The following KRT7 variants were observed in gnomAD, a reference collection of about 807,000 sequenced individuals.
KRT7 encodes keratin 7, also known as keratin, type II cytoskeletal 7.
A neutral mutation model predicts 42.8 loss-of-function variants in KRT7; 50 were observed. That is an observed-to-expected ratio of 1.17 (90% CI 0.93 to 1.48). The LOEUF is 1.48. Among genes scored for constraint, KRT7 ranks in the 40% most tolerant of loss-of-function variants. The pLI, the probability that KRT7 is intolerant of heterozygous loss-of-function variation, is 0.00. For missense variants in KRT7, 588 were observed against 637.6 expected (o/e 0.92, Z 0.84); for synonymous variants, 268 against 266.3 (o/e 1.01, Z -0.06).
chr12:52,244,700 T>C (rs568105976), intron 6 of KRT7: 4 of 925,362 alleles, frequency 4.3e-6, no homozygotes, highest in Non-Finnish European at 5.2e-6. Flanking sequence ...TTCAGGCTCC[T>C]GGCAGTGGGG....
rs747672438 is a variant in KRT7, at chr12:52,235,182, C to T, written c.352C>T (p.Leu118=). 3.7e-6 allele frequency: 6 copies of T among 1,614,142 alleles called. No individual in the cohort carries two copies. Among genetic ancestry groups the T allele is most frequent in the South Asian group, 1.1e-5 (1 of 91,078 alleles). The change falls in exon 2 of 9, where the codon CTG becomes TTG. Residue 118 remains leucine, a synonymous_variant. Transcript: ENST00000331817. The stretch of plus-strand genomic sequence containing the variant: ...GCGGTTTCTGGAGCAGCAGAACAAG[C>T]TGCTGGAGACCAAGTGGACGCTGCT... ...KVRFLEQQNK[L]LETKWTLLQE... is the part of the protein sequence containing the mutation.
chr12:52,251,219 A>G (rs1249393901), downstream of KRT7, among the ~76,000 whole-genome samples: 1 of 152,130 alleles, frequency 6.6e-6, no homozygotes, highest in Admixed American at 6.5e-5. Flanking sequence ...ACCTCAAGTG[A>G]TCCACCTGCC....
intron 2 of KRT7, among the ~76,000 whole-genome samples, chr12:52,237,065 G>A (rs1942020852): frequency 1.3e-5 from 2 of 152,208 alleles, no homozygotes; most frequent in African/African-American, 4.8e-5. Context: ...TAGCAGCTTA[G>A]TGACCTGGGC....
At chr12:52,238,122 G>A (rs1282528844) in intron 3 of KRT7, among the ~76,000 whole-genome samples, 1 of 152,154 alleles carries the variant, frequency 6.6e-6, no homozygotes, top group Non-Finnish European at 1.5e-5. Context: ...TGGAGATTCA[G>A]GAATGAGTAA....
intron 5 of KRT7, 76 bp downstream of exon 5, chr12:52,241,712 C>G (rs1942095062): frequency 7.3e-7 from 1 of 1,370,720 alleles, no homozygotes; most frequent in South Asian, 1.4e-5. Context: ...CAACTTGTCT[C>G]AAGCCTTCAG....
rs765708048 is a variant in KRT7 at position 52,248,654 on chromosome 12, C to G, written c.1304C>G (p.Thr435Ser). 1 of 1,612,830 alleles carries G rather than the reference C, an allele frequency of 6.2e-7. No homozygotes were observed. The highest frequency in any genetic ancestry group is 2.2e-5 in the East Asian group (1 of 44,838). The change falls in exon 9 of 9, where the codon ACC (threonine) becomes AGC (serine). Residue 435 changes from threonine (T) to serine (S), a missense_variant. Thr to Ser is a moderately conservative substitution (Grantham distance 58). Coordinates refer to ENST00000331817, the MANE Select transcript of KRT7 (RefSeq NM_005556.4). ...GGGIGLTLGG[T>S]MGSNALSFSS... ...GGCATTGGGCTGACCCTCGGGGGAA[C>G]CATGGGCAGCAATGCCCTGAGCTTC...
chr12:52,249,629 T>A (rs1347907859), downstream of KRT7, among the ~76,000 whole-genome samples: 1 of 152,040 alleles, frequency 6.6e-6, no homozygotes, highest in African/African-American at 2.4e-5. Context: ...CAGGTCTGTG[T>A]GTCTGTGAGT....
chr12:52,250,750 A>G (rs1389664767), downstream of KRT7: 4 of 424,836 alleles, frequency 9.4e-6, no homozygotes, highest in East Asian at 1.8e-4. Context: ...TCACATGGGC[A>G]CTCCTTCCTG....
chr12:52,253,746 G>A (rs776317807), downstream of KRT7: 21 of 1,071,682 alleles, frequency 2.0e-5, no homozygotes, highest in East Asian at 2.6e-4. Flanking sequence ...TGAGATGTGC[G>A]ACTGGAGAAC....
chr12:52,254,276 T>C (rs758868778), downstream of KRT7: 1 of 956,710 alleles, frequency 1.0e-6, no homozygotes, highest in Non-Finnish European at 1.6e-6. Flanking sequence ...CACCTCCTCA[T>C]ATAGCCGCCT....
intron 5 of KRT7, chr12:52,241,877 G>A (rs918373950): frequency 6.3e-6 from 2 of 316,032 alleles, no homozygotes; most frequent in African/African-American, 4.3e-5. Flanking sequence ...CACAGTACTA[G>A]GCTCATGTAA....
At chr12:52,237,705 G>A in intron 3 of KRT7, 136 bp downstream of exon 3, 1 of 616,124 alleles carries the variant, frequency 1.6e-6, no homozygotes. Flanking sequence ...AGTCTGCACA[G>A]CCTGTCCTGT....
At chr12:52,238,339 A>C (rs1942038294) in intron 3 of KRT7, among the ~76,000 whole-genome samples, 1 of 152,186 alleles carries the variant, frequency 6.6e-6, no homozygotes, top group Non-Finnish European at 1.5e-5. Context: ...ACTGACGAAA[A>C]GTTGAGCTCC....
downstream of KRT7, chr12:52,253,371 G>A (rs1369622641): frequency 4.4e-6 from 7 of 1,608,610 alleles, no homozygotes; most frequent in East Asian, 2.2e-5. Context: ...GAGGCTCAGG[G>A]TGGGACCTCC....
intron 6 of KRT7, chr12:52,244,901 G>A (rs1183903429): frequency 5.9e-6 from 1 of 168,362 alleles, no homozygotes; most frequent in Non-Finnish European, 1.3e-5. Context: ...GCTCTCAACT[G>A]GTTCCTATTT....
chr12:52,253,260 G>T (rs775905483), downstream of KRT7: 1 of 1,611,394 alleles, frequency 6.2e-7, no homozygotes, highest in Non-Finnish European at 8.5e-7. Flanking sequence ...TGGATCATGC[G>T]GTTCAGCTCG....
Position 52,233,392 on chromosome 12 carries a change from C to T in KRT7, c.96C>T (p.Gly32=), listed in dbSNP as rs772538449. 6.4e-7 allele frequency: 1 copy of T among 1,564,498 alleles called. No homozygotes were observed. The highest frequency in any genetic ancestry group is 8.6e-7 in the Non-Finnish European group (1 of 1,162,118). The change falls in exon 1 of 9, where the codon GGC becomes GGT. Residue 32 remains glycine, a synonymous_variant. Coordinates refer to ENST00000331817, the MANE Select transcript of KRT7 (RefSeq NM_005556.4). ...TGCGCCTGAGCTCCGCTCGCCCCGG[C>T]GGCCTTGGCAGCAGCAGCCTCTACG... The part of the protein sequence containing the change: ...AQVRLSSARP[G]GLGSSSLYGL...
intron 1 of KRT7, among the ~76,000 whole-genome samples, chr12:52,234,130 G>GC (rs1565715544): frequency 6.7e-6 from 1 of 149,554 alleles, no homozygotes; most frequent in Non-Finnish European, 1.5e-5. Context: ...GCGGGGGAGG[G>GC]GGGGGGGCTC....
At chr12:52,252,384 A>G (rs1263017746), downstream of KRT7, 1 of 1,614,146 alleles carries the variant, frequency 6.2e-7, no homozygotes. Flanking sequence ...GGCCTTCTGC[A>G]GGGCACCCTC....
Sources: gnomAD v4.1 joint callset for allele counts (sites outside exome capture counted in the v4.1 genomes callset) on GRCh38, gnomAD v4.1.1 for gene constraint, MANE v1.5 for transcripts, NCBI Gene and HGNC (gene_info 2026-07-23, HGNC 2026-07-21) for gene names.